Variants in PEX5L observed in about 807,000 individuals in gnomAD.
The protein encoded by PEX5L is PEX5-related protein.
In PEX5L, 30 loss-of-function variants were observed where a neutral mutation model predicts 84.0. The observed-to-expected ratio is 0.36, with a 90% CI of 0.27 to 0.48. PEX5L has a LOEUF of 0.48. PEX5L is among the 20% of genes least tolerant of loss of function. PEX5L has a pLI of 0.99. For synonymous variants in PEX5L, 270 were observed against 283.1 expected (o/e 0.95, Z 0.46); for missense variants, 533 against 754.6 (o/e 0.71, Z 3.44).
chr3:180,034,357 A>G (rs1791710469), intron 1 of PEX5L, among the ~76,000 whole-genome samples: 1 of 152,202 alleles, frequency 6.6e-6, no homozygotes, highest in Non-Finnish European at 1.5e-5. Context: ...ATATGGATTC[A>G]GATTTTAATC....
At chr3:179,918,137 T>G (rs1163837273) in intron 2 of PEX5L, among the ~76,000 whole-genome samples, 1 of 152,200 alleles carries the variant, frequency 6.6e-6, no homozygotes, top group African/African-American at 2.4e-5. Flanking sequence ...TCTGTGCTTT[T>G]AACTACTATG....
At position 179,811,776 on chromosome 3, in the gene PEX5L, T is replaced by C. The variant is rs763115110; in HGVS notation, c.1154+25A>G. On this transcript the variant is annotated intron_variant, in intron 11 of 14. Transcript: ENST00000467460. ...CATTAACAAGTATCCACCAGGCCCATGATTTTGCACTTAGCTTCCTTTACC... is the reference window on the plus strand; with the variant it reads ...CATTAACAAGTATCCACCAGGCCCACGATTTTGCACTTAGCTTCCTTTACC... 4.5e-6 allele frequency: 7 copies of C among 1,559,906 alleles called. No individual in the cohort carries two copies. In the East Asian group the frequency reaches 1.1e-4, roughly 25 times the overall value.
chr3:179,997,412 T>C lies in PEX5L; in HGVS notation c.22-25747A>G, dbSNP rs542465225. Among the ~76,000 whole-genome samples, 10 of 152,262 alleles carry C rather than the reference T, an allele frequency of 6.6e-5. 1 individual carries two copies. Among genetic ancestry groups the C allele is most frequent in the South Asian group, 6.2e-4 (3 of 4,820 alleles). On this transcript the variant is annotated intron_variant, in intron 1 of 14. Coordinates refer to ENST00000467460, the MANE Select transcript of PEX5L (RefSeq NM_016559.3). ...CTAGTGCCAGAATGCATAATTGGCA[T>C]AGACATGCTTAGCTGGCAGAACCCC...
chr3:180,012,581 C>T (rs1192907056), intron 1 of PEX5L, among the ~76,000 whole-genome samples: 1 of 151,944 alleles, frequency 6.6e-6, no homozygotes, highest in Admixed American at 6.6e-5. Flanking sequence ...AATATTGACC[C>T]TGGTCTAGGT....
At chr3:179,996,832 A>T (rs1391161214) in intron 1 of PEX5L, among the ~76,000 whole-genome samples, 1 of 152,222 alleles carries the variant, frequency 6.6e-6, no homozygotes, top group Non-Finnish European at 1.5e-5. Context: ...TGGACAGCAG[A>T]GGCAAAGCAG....
intron 2 of PEX5L, among the ~76,000 whole-genome samples, chr3:179,932,187 C>T (rs1012158443): frequency 2.0e-5 from 3 of 151,854 alleles, no homozygotes; most frequent in African/African-American, 7.3e-5. Flanking sequence ...GGAAGATCTC[C>T]AGGACATAGG....
intron 2 of PEX5L, among the ~76,000 whole-genome samples, chr3:179,901,016 T>A (rs1451095043): frequency 6.6e-6 from 1 of 152,202 alleles, no homozygotes; most frequent in African/African-American, 2.4e-5. Flanking sequence ...TCAAGCTGTG[T>A]TATTTCTGAC....
Position 179,993,787 on chromosome 3 carries a change from G to A in PEX5L, c.22-22122C>T, listed in dbSNP as rs561378063. On this transcript the variant is annotated intron_variant, in intron 1 of 14. Coordinates refer to ENST00000467460, the MANE Select transcript of PEX5L (RefSeq NM_016559.3). ...CAAAGTGCTGGAATTACAGGCATGA[G>A]CCACCGCATCCGGCTTTCCCATATA... 7.9e-5 allele frequency among the ~76,000 whole-genome samples: 12 copies of A among 152,282 alleles called. No individual in the cohort carries two copies. The South Asian group carries it at 2.5e-3, about 32-fold the overall frequency.
At position 179,799,579 on chromosome 3, in the gene PEX5L, G is replaced by C. The variant is rs971158210; in HGVS notation, c.*2249C>G. On this transcript the variant is annotated 3_prime_UTR_variant, in exon 15 of 15. Coordinates refer to ENST00000467460, the MANE Select transcript of PEX5L (RefSeq NM_016559.3). ...GCTGCAGATTCAGCTGCTGCTCAAA[G>C]TATAGAATGGCATCACAGAACACTT... 6.6e-6 allele frequency: 1 copy of C among 152,236 alleles called. No individual in the cohort carries two copies. Among genetic ancestry groups the C allele is most frequent in the Non-Finnish European group, 1.5e-5 (1 of 68,048 alleles). The allele number at this position is 152,236 out of a possible 1,614,324, so 9.4% of individuals were successfully genotyped here.
At chr3:180,012,621 C>G (rs1789587807) in intron 1 of PEX5L, among the ~76,000 whole-genome samples, 2 of 151,496 alleles carry the variant, frequency 1.3e-5, no homozygotes, top group Admixed American at 1.3e-4. Context: ...CTTAATAAGG[C>G]AAGTATGTAA....
rs745444182 is a variant in PEX5L, at chr3:179,809,685, A to C, written c.1155-17T>G. 6.5e-7 allele frequency: 1 copy of C among 1,534,974 alleles called. No individual in the cohort carries two copies. On this transcript the variant is annotated splice_polypyrimidine_tract_variant and intron_variant, in intron 11 of 14. Transcript: ENST00000467460. Reference sequence around the variant, plus strand: ...TCTAAGCACCTGAAAAAAAAAAAGAAGCCAATTTCAGATTTTTTTTTGAGC... The same window carrying C: ...TCTAAGCACCTGAAAAAAAAAAAGACGCCAATTTCAGATTTTTTTTTGAGC...
chr3:179,816,995 T>C (rs1726374791), intron 9 of PEX5L, among the ~76,000 whole-genome samples: 1 of 152,174 alleles, frequency 6.6e-6, no homozygotes, highest in Non-Finnish European at 1.5e-5. Flanking sequence ...TTAAAAATAC[T>C]GATTCTTTAG....
intron 3 of PEX5L, among the ~76,000 whole-genome samples, chr3:179,897,377 G>T (rs2971395): frequency 6.6e-6 from 1 of 152,240 alleles, no homozygotes; most frequent in East Asian, 1.9e-4. Flanking sequence ...CCACAGAGTG[G>T]TGATGAGTAC....
At chr3:179,992,243 G>A (rs1787450084) in intron 1 of PEX5L, among the ~76,000 whole-genome samples, 1 of 152,258 alleles carries the variant, frequency 6.6e-6, no homozygotes, top group South Asian at 2.1e-4. Flanking sequence ...GTCATGCCAG[G>A]TATATTATTT....
intron 8 of PEX5L, among the ~76,000 whole-genome samples, chr3:179,854,154 G>C (rs1411994863): frequency 6.6e-6 from 1 of 150,706 alleles, no homozygotes; most frequent in Non-Finnish European, 1.5e-5. Flanking sequence ...CAGACTTGAT[G>C]TTTCAATACA....
chr3:180,011,398 T>C (rs1789467994), intron 1 of PEX5L, among the ~76,000 whole-genome samples: 1 of 152,200 alleles, frequency 6.6e-6, no homozygotes. Flanking sequence ...AAAAGGGCAG[T>C]GCAAGCCACT....
At chr3:179,824,677 G>A (rs1345163094) in intron 8 of PEX5L, among the ~76,000 whole-genome samples, 2 of 124,860 alleles carry the variant, frequency 1.6e-5, no homozygotes, top group Non-Finnish European at 3.1e-5. Flanking sequence ...TTGCACTCTA[G>A]CCTGGGCAAT....
intron 1 of PEX5L, among the ~76,000 whole-genome samples, chr3:179,994,663 T>C (rs775048046): frequency 6.6e-6 from 1 of 152,126 alleles, no homozygotes; most frequent in African/African-American, 2.4e-5. Context: ...TGCAAAGTAT[T>C]GATCCTGGGT....
At chr3:180,002,408 AT>A (rs1788506226) in intron 1 of PEX5L, among the ~76,000 whole-genome samples, 1 of 152,230 alleles carries the variant, frequency 6.6e-6, no homozygotes, top group African/African-American at 2.4e-5. Flanking sequence ...CTTTAAAAAT[AT>A]TTTTAAGTCT....
Sources: gnomAD v4.1 joint callset for allele counts (sites outside exome capture counted in the v4.1 genomes callset) on GRCh38, gnomAD v4.1.1 for gene constraint, MANE v1.5 for transcripts, NCBI Gene and HGNC (gene_info 2026-07-23, HGNC 2026-07-21) for gene names.